Variants in RSBN1 observed in about 807,000 individuals in gnomAD.
RSBN1 encodes lysine-specific demethylase 9.
In RSBN1, 23 loss-of-function variants were observed where a neutral mutation model predicts 74.8. The ratio of observed to expected loss-of-function variants is 0.31; its 90% CI spans 0.22 to 0.44. The LOEUF (loss-of-function observed/expected upper bound fraction) is 0.44. Ranked by LOEUF, RSBN1 falls within the 20% of genes least tolerant of loss-of-function variation. The probability of loss-of-function intolerance (pLI) is 1.00; values close to 1 mark genes in which losing one functional copy is unlikely to be tolerated. For missense variants in RSBN1, 808 were observed against 1,020.9 expected, an observed-to-expected ratio of 0.79 and a Z score of 2.84; for synonymous variants, 407 against 379.6, an observed-to-expected ratio of 1.07 and a Z score of -0.84.
At chr1:113,773,467 G>A (rs1436890040) in intron 4 of RSBN1, among the ~76,000 whole-genome samples, 2 of 152,184 alleles carry the variant, frequency 1.3e-5, no homozygotes, top group African/African-American at 4.8e-5. Context: ...AGGTTGCAGT[G>A]AGCCAAGATC....
chr1:113,771,598 C>A, intron 4 of RSBN1, among the ~76,000 whole-genome samples: 1 of 149,444 alleles, frequency 6.7e-6, no homozygotes, highest in Non-Finnish European at 1.5e-5. Context: ...ACTACCAACA[C>A]CAATGTCCTC....
intron 2 of RSBN1, among the ~76,000 whole-genome samples, chr1:113,791,769 C>T (rs1394552862): frequency 6.6e-6 from 1 of 151,716 alleles, no homozygotes; most frequent in Admixed American, 6.6e-5. Context: ...TTTTATAAAA[C>T]CTGCTACTTA....
intron 2 of RSBN1, among the ~76,000 whole-genome samples, chr1:113,791,444 A>G (rs1044891894): frequency 7.9e-5 from 12 of 152,186 alleles, no homozygotes; most frequent in African/African-American, 2.4e-4. Context: ...ACAATTATAA[A>G]TCTGTTAATA....
At chr1:113,777,412 C>A in intron 3 of RSBN1, 60 bp from the exon 4 acceptor site, 1 of 1,510,830 alleles carries the variant, frequency 6.6e-7, no homozygotes, top group South Asian at 1.3e-5. Context: ...TAAGTTAATC[C>A]TCCCACCCAA....
chr1:113,801,011 T>TC (rs1258568398), intron 1 of RSBN1, among the ~76,000 whole-genome samples: 1 of 151,612 alleles, frequency 6.6e-6, no homozygotes, highest in African/African-American at 2.4e-5. Flanking sequence ...ACAGAGTCTC[T>TC]CTCTGTTGCC....
intron 1 of RSBN1, among the ~76,000 whole-genome samples, chr1:113,805,890 T>A (rs929078079): frequency 6.6e-6 from 1 of 152,230 alleles, no homozygotes. Flanking sequence ...ATGGTCTCTG[T>A]CTCAATTACT....
At chr1:113,778,097 CTT>C (rs1379791619) in intron 2 of RSBN1, among the ~76,000 whole-genome samples, 4 of 151,884 alleles carry the variant, frequency 2.6e-5, no homozygotes, top group African/African-American at 9.7e-5. Context: ...ATTTTTTTAA[CTT>C]TGTAATATTT....
intron 1 of RSBN1, among the ~76,000 whole-genome samples, chr1:113,799,029 C>A (rs74733683): frequency 7.4e-4 from 113 of 152,278 alleles, no homozygotes; most frequent in African/African-American, 2.5e-3. Flanking sequence ...TCATTTTACA[C>A]CCTCCCCTAG....
In RSBN1 at chr1:113,812,377, C is replaced by G. The variant is rs959914987; in HGVS notation, c.36G>C (p.Trp12Cys). The change falls in exon 1 of 7, where the codon TGG (tryptophan) becomes TGC (cysteine). Residue 12 changes from tryptophan (W) to cysteine (C), a missense_variant. By Grantham distance (215) the Trp-to-Cys change is radical. This residue lies in a region of RSBN1 where 464 missense variants were observed against 401.0 expected (regional missense o/e 1.16). Transcript: ENST00000261441. ...GGCATTGGAGTCTCTCCTCCGCCCT[C>G]CACTTGTCGGCCGTTCTTCGTCCAG... ...FISGRRTADK[W>C]RAEERLQCPA... is the part of the protein sequence containing the mutation. 10 of 1,602,270 alleles carry G rather than the reference C, an allele frequency of 6.2e-6. No homozygotes were observed. Among genetic ancestry groups the G allele is most frequent in the African/African-American group, 4.0e-5 (3 of 74,910 alleles).
chr1:113,792,431 T>C (rs1660384919), intron 2 of RSBN1, among the ~76,000 whole-genome samples: 1 of 152,206 alleles, frequency 6.6e-6, no homozygotes, highest in Non-Finnish European at 1.5e-5. Context: ...TAAGCAAAGC[T>C]AGTGCTCACA....
intron 2 of RSBN1, among the ~76,000 whole-genome samples, chr1:113,796,749 G>T (rs1660479793): frequency 6.6e-6 from 1 of 152,078 alleles, no homozygotes; most frequent in African/African-American, 2.4e-5. Context: ...AAAATGTTTG[G>T]TTAAAACCAC....
rs1660900139 is a variant in RSBN1 at position 113,812,460 on chromosome 1, A to G, written c.-48T>C. The G allele has an allele frequency of 5.3e-6, 8 of 1,519,344 alleles. No individual in the cohort carries two copies. Among genetic ancestry groups the G allele is most frequent in the Non-Finnish European group, 6.1e-6 (7 of 1,139,606 alleles). The allele number at this position is 1,519,344 out of a possible 1,614,324, so 94.1% of individuals were successfully genotyped here. A position where few individuals can be genotyped will look rare whatever the true frequency, so the allele number is the denominator to read the frequency against. On this transcript the variant is annotated 5_prime_UTR_variant, in exon 1 of 7. Coordinates refer to ENST00000261441, the MANE Select transcript of RSBN1 (RefSeq NM_018364.5). ...TTTTCTCCGCAGGCCTCTCCAACCG[A>G]GCTTCTATTGTAAAGCACCCTATGC...
chr1:113,792,457 T>C lies in RSBN1; in HGVS notation c.1377+4906A>G, dbSNP rs181193564. Reference sequence around the variant, plus strand: ...AGTGCTCACACCTGTAATCCGAACATGCTAGGAGGCCAAAGCAGGAGAATC... The same window carrying C: ...AGTGCTCACACCTGTAATCCGAACACGCTAGGAGGCCAAAGCAGGAGAATC... On this transcript the variant is annotated intron_variant, in intron 2 of 6. Transcript: ENST00000261441. Among the ~76,000 whole-genome samples, 170 of 152,064 alleles carry C rather than the reference T, an allele frequency of 1.1e-3. 1 individual carries two copies. Among genetic ancestry groups the C allele is most frequent in the African/African-American group, 4.0e-3 (164 of 41,364 alleles).
chr1:113,791,592 G>A (rs1660364697), intron 2 of RSBN1, among the ~76,000 whole-genome samples: 1 of 151,980 alleles, frequency 6.6e-6, no homozygotes, highest in African/African-American at 2.4e-5. Context: ...AACACAGAAA[G>A]GAAAAAATTA....
At chr1:113,803,478 T>C (rs987375722) in intron 1 of RSBN1, among the ~76,000 whole-genome samples, 1 of 152,232 alleles carries the variant, frequency 6.6e-6, no homozygotes, top group African/African-American at 2.4e-5. Context: ...TGAGATAGCA[T>C]ATCTTTTTGC....
Position 113,765,809 on chromosome 1 carries a change from CT to C in RSBN1, c.*170del. Reference sequence around the variant, plus strand: ...TAACGGGATAAGATACAACTCTTAACTTTGCATAATCTGTGTAAAAAAGATA... The same window carrying C: ...TAACGGGATAAGATACAACTCTTAACTTGCATAATCTGTGTAAAAAAGATA... On this transcript the variant is annotated 3_prime_UTR_variant, in exon 7 of 7. Transcript: ENST00000261441. 1 of 610,054 alleles carries C rather than the reference CT, an allele frequency of 1.6e-6. No homozygotes were observed. Among genetic ancestry groups the C allele is most frequent in the South Asian group, 2.1e-5 (1 of 48,260 alleles). 37.8% of individuals were successfully genotyped at this position (610,054 alleles called of 1,614,324 possible). A position where few individuals can be genotyped will look rare whatever the true frequency, so the allele number is the denominator to read the frequency against.
In RSBN1 at chr1:113,811,994, G is replaced by C. The variant is rs1273473272; in HGVS notation, c.419C>G (p.Pro140Arg). 1.9e-6 allele frequency: 3 copies of C among 1,554,888 alleles called. No individual in the cohort carries two copies. The highest frequency in any genetic ancestry group is 2.3e-5 in the East Asian group (1 of 42,762). The change falls in exon 1 of 7, where the codon CCT becomes CGT. Residue 140 changes from proline to arginine, a missense_variant. Transcript: ENST00000261441. ...AAPTVPGPVE[P>R]LLLPPPPPPS... is the part of the protein sequence containing the mutation. ...TGGCGGCGGAGGCGGCAGGAGAAGA[G>C]GCTCAACAGGGCCTGGGACAGTTGG...
At position 113,765,214 on chromosome 1, in the gene RSBN1, G is replaced by A. The variant is rs540916332; in HGVS notation, c.*766C>T. 6.6e-6 allele frequency: 1 copy of A among 152,382 alleles called. No homozygotes were observed. Among genetic ancestry groups the A allele is most frequent in the South Asian group, 2.1e-4 (1 of 4,822 alleles). 9.4% of individuals were successfully genotyped at this position (152,382 alleles called of 1,614,324 possible). A position where few individuals can be genotyped will look rare whatever the true frequency, so the allele number is the denominator to read the frequency against. ...GGATGCCAGGAAGCAGAACAATAGA[G>A]TATCATGTCAACATTATCTCTTTTA... is the stretch of plus-strand genomic sequence containing the variant. On this transcript the variant is annotated 3_prime_UTR_variant, in exon 7 of 7. Coordinates refer to ENST00000261441, the MANE Select transcript of RSBN1 (RefSeq NM_018364.5).
intron 2 of RSBN1, among the ~76,000 whole-genome samples, chr1:113,794,261 C>A (rs1213373096): frequency 6.6e-6 from 1 of 152,188 alleles, no homozygotes; most frequent in Non-Finnish European, 1.5e-5. Flanking sequence ...ACTATCGTAA[C>A]TAACTGGTAT....
Sources: allele counts gnomAD v4.1 joint callset (sites outside exome capture counted in the v4.1 genomes callset), GRCh38; gene constraint gnomAD v4.1.1; regional missense constraint gnomAD v4.1.1; transcripts MANE v1.5; gene names NCBI Gene and HGNC (gene_info 2026-07-23, HGNC 2026-07-21).